The following POLM variants were observed in gnomAD, a reference collection of about 807,000 sequenced individuals.
POLM encodes the protein DNA-directed DNA/RNA polymerase mu.
In POLM, 52 loss-of-function variants were observed where a neutral mutation model predicts 56.7. The observed-to-expected ratio is 0.92, with a 90% CI of 0.73 to 1.15. POLM has a LOEUF of 1.15. POLM is among the 50% of genes most tolerant of loss of function. The pLI, the probability that POLM is intolerant of heterozygous loss-of-function variation, is 0.00. For synonymous variants in POLM, 273 were observed against 274.3 expected (o/e 1.00, Z 0.05); for missense variants, 660 against 663.6 (o/e 0.99, Z 0.06).
At position 44,074,222 on chromosome 7, in the gene POLM, T is replaced by C; in HGVS notation, c.980A>G (p.Gln327Arg). The C allele has an allele frequency of 6.3e-7, 1 of 1,583,556 alleles. No individual in the cohort carries two copies. Among genetic ancestry groups the C allele is most frequent in the African/African-American group, 1.3e-5 (1 of 74,664 alleles). The change falls in exon 8 of 11, where the codon CAG becomes CGG. Residue 327 changes from glutamine to arginine, a missense_variant. By Grantham distance (43) the Gln-to-Arg change is conservative. Transcript: ENST00000242248. The stretch of plus-strand genomic sequence containing the variant: ...GATGAGGAAGTCCACGTCATGGCCC[T>C]GCAACTTCCCCCTGAGGGCGTCAGT... ...LTGGFRRGKLQGHDVDFLITH... is the reference protein window; with the variant it reads ...LTGGFRRGKLRGHDVDFLITH...
Position 44,082,275 on chromosome 7 carries a change from C to A in POLM, c.164G>T (p.Gly55Val), listed in dbSNP as rs1396073757. ...AFLTGLARSK[G>V]FRVLDACSSE... The stretch of plus-strand genomic sequence containing the variant: ...CCTGCAGGCGTCAAGGACGCGGAAG[C>A]CTTTGGAGCGCGCCAGGCCTGTGAG... Residue 55 changes from glycine to valine, a missense_variant, in exon 1 of 11, where the codon GGC becomes GTC. By Grantham distance (109) the Gly-to-Val change is moderately radical. Transcript: ENST00000242248. 3 of 1,526,184 alleles carry A rather than the reference C, an allele frequency of 2.0e-6. No individual in the cohort carries two copies. In the Admixed American group the frequency reaches 6.4e-5, roughly 33 times the overall value. 94.5% of individuals were successfully genotyped at this position (1,526,184 alleles called of 1,614,324 possible). A position where few individuals can be genotyped will look rare whatever the true frequency, so the allele number is the denominator to read the frequency against.
chr7:44,081,817 C>G (rs949654130), intron 1 of POLM, among the ~76,000 whole-genome samples: 2 of 149,592 alleles, frequency 1.3e-5, no homozygotes, highest in African/African-American at 5.0e-5. Flanking sequence ...GCGATCTCGG[C>G]TCACTGCAAG....
In POLM at chr7:44,074,628, A is replaced by G. The variant is rs2096178907; in HGVS notation, c.836-98T>C. Reference sequence around the variant, plus strand: ...GAGGTGATCAACCTGGGGCCCCGTCATTGCAGGACCAGGAGAGGCCTCCGA... The same window carrying G: ...GAGGTGATCAACCTGGGGCCCCGTCGTTGCAGGACCAGGAGAGGCCTCCGA... On this transcript the variant is annotated intron_variant, in intron 6 of 10. Transcript: ENST00000242248. 5 of 1,381,944 alleles carry G rather than the reference A, an allele frequency of 3.6e-6. No individual in the cohort carries two copies. The South Asian group carries it at 7.6e-5, about 21-fold the overall frequency. 85.6% of individuals were successfully genotyped at this position (1,381,944 alleles called of 1,614,324 possible).
In POLM at chr7:44,074,519, G is replaced by A. The variant is rs752477599; in HGVS notation, c.847C>T (p.His283Tyr). 6.3e-7 allele frequency: 1 copy of A among 1,583,328 alleles called. No individual in the cohort carries two copies. Among genetic ancestry groups the A allele is most frequent in the Admixed American group, 1.8e-5 (1 of 56,996 alleles). The change falls in exon 7 of 11, where the codon CAC (histidine) becomes TAC (tyrosine). Residue 283 changes from histidine (H) to tyrosine (Y), a missense_variant. Transcript: ENST00000242248. ...AGGACTGGGGTGCTCAGGTCCTGGTGGTGCTGGAGCCCTGGGGGCAACACC... is the reference window on the plus strand; with the variant it reads ...AGGACTGGGGTGCTCAGGTCCTGGTAGTGCTGGAGCCCTGGGGGCAACACC... ...TQQQKAGLQH[H>Y]QDLSTPVLRS...
chr7:44,076,326 C>T (rs1470444613), intron 6 of POLM, 183 bp downstream of exon 6: 5 of 638,096 alleles, frequency 7.8e-6, no homozygotes, highest in Non-Finnish European at 1.3e-5. Context: ...TCAGCATCGT[C>T]CACTGAGAAA....
chr7:44,076,845 C>T lies in POLM; in HGVS notation c.715-216G>A, dbSNP rs145423145. On this transcript the variant is annotated intron_variant, in intron 5 of 10. Transcript: ENST00000242248. ...GAACAAACCCACGCACACCCCTCTC[C>T]TCTCCTCTATGAAAGGGACTTACAC... 1,100 of 571,694 alleles carry T rather than the reference C, an allele frequency of 1.9e-3. 4 individuals are homozygous for T. Among genetic ancestry groups the T allele is most frequent in the Non-Finnish European group, 3.0e-3 (962 of 318,804 alleles). The allele number at this position is 571,694 out of a possible 1,614,324, so 35.4% of individuals were successfully genotyped here.
chr7:44,074,152 C>T lies in POLM; in HGVS notation c.1050G>A (p.Val350=). 1.9e-6 allele frequency: 3 copies of T among 1,604,180 alleles called. No individual in the cohort carries two copies. The highest frequency in any genetic ancestry group is 1.1e-5 in the South Asian group (1 of 90,040). The part of the protein sequence containing the change: ...EGQEAGLLPR[V]MCRLQDQGLI... ...TCACCTGGTCCTGCAGGCGGCACATCACTCTAGGCAGCAGCCCCGCCTCCT... is the reference window on the plus strand; with the variant it reads ...TCACCTGGTCCTGCAGGCGGCACATTACTCTAGGCAGCAGCCCCGCCTCCT... Residue 350 remains valine, a synonymous_variant, in exon 8 of 11, where the codon GTG becomes GTA. Transcript: ENST00000242248.
At position 44,074,030 on chromosome 7, in the gene POLM, G is replaced by A. The variant is rs2096176171; in HGVS notation, c.1072-5C>T. ...CTGGTGGTACAGGATGAGGCCCTGT[G>A]GGGAGAGGCGGGCGTGGCTGAGACC... is the stretch of plus-strand genomic sequence containing the variant. On this transcript the variant is annotated splice_polypyrimidine_tract_variant and splice_region_variant and intron_variant, in intron 8 of 10. Transcript: ENST00000242248. The A allele has an allele frequency of 1.2e-6, 2 of 1,612,632 alleles. No homozygotes were observed. The highest frequency in any genetic ancestry group is 1.7e-6 in the Non-Finnish European group (2 of 1,179,918).
At position 44,080,864 on chromosome 7, in the gene POLM, T is replaced by G. The variant is rs1332723058; in HGVS notation, c.241A>C (p.Ser81Arg). The G allele has an allele frequency of 1.2e-6, 2 of 1,607,002 alleles. No individual in the cohort carries two copies. The highest frequency in any genetic ancestry group is 3.4e-5 in the Admixed American group (2 of 58,862). The change falls in exon 2 of 11, where the codon AGC (serine) becomes CGC (arginine). Residue 81 changes from serine (S) to arginine (R), a missense_variant. By Grantham distance (110) the Ser-to-Arg change is moderately radical. Transcript: ENST00000242248. ...GCTGCCATCCTGCGCTCCTGCCAGC[T>G]GACGGCCTCCTCTGCTGAGGTCTCT... The part of the protein sequence containing the change: ...MEETSAEEAV[S>R]WQERRMAAAP...
intron 5 of POLM, 199 bp downstream of exon 5, chr7:44,078,541 G>GCTT: frequency 1.7e-6 from 1 of 579,980 alleles, no homozygotes; most frequent in African/African-American, 1.9e-5. Flanking sequence ...CTCAAAACAA[G>GCTT]CTTCTTCCTT....
rs1162709611 is a variant in POLM at position 44,072,508 on chromosome 7, T to G, written c.*783A>C. 1 of 152,172 alleles carries G rather than the reference T, an allele frequency of 6.6e-6. No homozygotes were observed. Among genetic ancestry groups the G allele is most frequent in the Admixed American group, 6.5e-5 (1 of 15,274 alleles). The allele number at this position is 152,172 out of a possible 1,614,324, so 9.4% of individuals were successfully genotyped here. ...CACAAGGGGGCCTGGGTGCATCAAA[T>G]AGGAAGCCGGTGAGTCAAGCAGCTC... On this transcript the variant is annotated 3_prime_UTR_variant, in exon 11 of 11. Coordinates refer to ENST00000242248, the MANE Select transcript of POLM (RefSeq NM_013284.4).
rs773099644 is a variant in POLM, at chr7:44,080,749, C to A, written c.356G>T (p.Cys119Phe). 3 of 1,613,986 alleles carry A rather than the reference C, an allele frequency of 1.9e-6. No individual in the cohort carries two copies. In the African/African-American group the frequency reaches 4.0e-5, roughly 22 times the overall value. The change falls in exon 2 of 11, where the codon TGC (cysteine) becomes TTC (phenylalanine). Residue 119 changes from cysteine (C) to phenylalanine (F), a missense_variant. Transcript: ENST00000242248. Reference sequence around the variant, plus strand: ...CCAGCTCACCTCCAGGCGGTGCCGGCACTCCACAGGTACAGGCTGCCCAGC... The same window carrying A: ...CCAGCTCACCTCCAGGCGGTGCCGGAACTCCACAGGTACAGGCTGCCCAGC... ...LGAGQPVPVE[C>F]RHRLEVAGPR...
Position 44,082,399 on chromosome 7 carries a change from T to G in POLM, c.40A>C (p.Ser14Arg). ...KRRRARVGSPSGDAASSTPPS... is the reference protein window; with the variant it reads ...KRRRARVGSPRGDAASSTPPS... Reference sequence around the variant, plus strand: ...GGCGTGGAGGAAGCGGCATCGCCGCTAGGGGACCCGACCCGCGCTCGCCGC... The same window carrying G: ...GGCGTGGAGGAAGCGGCATCGCCGCGAGGGGACCCGACCCGCGCTCGCCGC... The change falls in exon 1 of 11, where the codon AGC becomes CGC. Residue 14 changes from serine (S) to arginine (R), a missense_variant. Physicochemically the swap from Ser to Arg is moderately radical, Grantham distance 110. Transcript: ENST00000242248. 1 of 1,499,438 alleles carries G rather than the reference T, an allele frequency of 6.7e-7. No homozygotes were observed. Among genetic ancestry groups the G allele is most frequent in the Non-Finnish European group, 8.8e-7 (1 of 1,134,174 alleles). The allele number at this position is 1,499,438 out of a possible 1,614,324, so 92.9% of individuals were successfully genotyped here.
At chr7:44,080,007 G>A in intron 2 of POLM, 48 bp from the exon 3 acceptor site, 2 of 1,362,208 alleles carry the variant, frequency 1.5e-6, no homozygotes, top group Admixed American at 1.7e-5. Context: ...AGGGCTGGCA[G>A]GAGAGCCAGG....
chr7:44,074,971 T>C (rs747300813), intron 6 of POLM, among the ~76,000 whole-genome samples: 8 of 152,240 alleles, frequency 5.3e-5, no homozygotes, highest in African/African-American at 9.6e-5. Flanking sequence ...GGATGGAAGA[T>C]GGCTTTGCCA....
At position 44,074,208 on chromosome 7, in the gene POLM, C is replaced by G. The variant is rs879249865; in HGVS notation, c.994G>C (p.Asp332His). ...RRGKLQGHDV[D>H]FLITHPKEGQ... is the part of the protein sequence containing the mutation. ...TCCTTGGGGTGGGTGATGAGGAAGT[C>G]CACGTCATGGCCCTGCAACTTCCCC... Residue 332 changes from aspartate to histidine, a missense_variant, in exon 8 of 11, where the codon GAC (aspartate) becomes CAC (histidine). Transcript: ENST00000242248. 3 of 1,593,116 alleles carry G rather than the reference C, an allele frequency of 1.9e-6. No individual in the cohort carries two copies. Among genetic ancestry groups the G allele is most frequent in the South Asian group, 2.3e-5 (2 of 88,250 alleles).
intron 7 of POLM, 38 bp from the exon 8 acceptor site, chr7:44,074,271 C>T: frequency 1.3e-6 from 2 of 1,548,592 alleles, no homozygotes; most frequent in Middle Eastern, 1.7e-4. Context: ...AGGGACACGG[C>T]CTGCTCACTC....
chr7:44,076,585 C>G lies in POLM; in HGVS notation c.759G>C (p.Arg253=), dbSNP rs771466034. Residue 253 remains arginine (R), a synonymous_variant, in exon 6 of 11, where the codon CGG becomes CGC. Coordinates refer to ENST00000242248, the MANE Select transcript of POLM (RefSeq NM_013284.4). ...AGGTTCGCAGTCCTTCCCGGTACCA[C>G]CGGTCAGCAGTCTTCACACCGACCC... The part of the protein sequence containing the change: ...IFGVGVKTAD[R]WYREGLRTLD... The G allele has an allele frequency of 6.2e-7, 1 of 1,614,112 alleles. No individual in the cohort carries two copies. Among genetic ancestry groups the G allele is most frequent in the Non-Finnish European group, 8.5e-7 (1 of 1,180,016 alleles).
chr7:44,080,329 G>T (rs1206668099), intron 2 of POLM: 2 of 543,274 alleles, frequency 3.7e-6, no homozygotes, highest in Admixed American at 4.5e-5. Flanking sequence ...GCTGGGCCAG[G>T]ATTTGAAGGC....
Sources: gnomAD v4.1 joint callset for allele counts (sites outside exome capture counted in the v4.1 genomes callset) on GRCh38, gnomAD v4.1.1 for gene constraint, MANE v1.5 for transcripts, NCBI Gene and HGNC (gene_info 2026-07-23, HGNC 2026-07-21) for gene names.